PAAF1: variants seen among roughly 807,000 people sequenced by gnomAD.
PAAF1 encodes proteasomal ATPase associated factor 1.
Under a neutral mutation model 52.8 loss-of-function variants are expected in PAAF1, and 46 were observed. The ratio of observed to expected loss-of-function variants is 0.87; its 90% confidence interval spans 0.69 to 1.11. The LOEUF is 1.11. Among genes scored for constraint, PAAF1 ranks in the 50% most tolerant of loss-of-function variants. PAAF1 has a pLI of 0.00. For synonymous variants in PAAF1, 178 were observed against 172.8 expected, an observed-to-expected ratio of 1.03 and a Z score of -0.24; for missense variants, 424 against 477.4, an observed-to-expected ratio of 0.89 and a Z score of 1.04.
chr11:73,893,630 G>GGACTATAATCCCAGCTACTCA (rs1949259594), intron 4 of PAAF1, among the ~76,000 whole-genome samples: 1 of 150,742 alleles, frequency 6.6e-6, no homozygotes, highest in South Asian at 2.1e-4. Context: ...CCAGCTACTC[G>GGACTATAATCCCAGCTACTCA]GGAGGTTGAG....
chr11:73,927,523 C>A lies in PAAF1; in HGVS notation c.*161C>A. The A allele has an allele frequency of 1.6e-6, 1 of 641,702 alleles. No individual in the cohort carries two copies. The highest frequency in any genetic ancestry group is 2.7e-5 in the East Asian group (1 of 36,748). The allele number at this position is 641,702 out of a possible 1,614,324, so 39.8% of individuals were successfully genotyped here. On this transcript the variant is annotated 3_prime_UTR_variant, in exon 12 of 12. Transcript: ENST00000310571. ...TGTACTGGCCGTGTGGAACTCTCAT[C>A]CCAAGACCTACTTTGAACTGAGTAA...
At chr11:73,899,304 G>A (rs904268998) in intron 5 of PAAF1, 60 bp downstream of exon 5, 7 of 1,297,544 alleles carry the variant, frequency 5.4e-6, no homozygotes, top group African/African-American at 1.5e-5. Context: ...AGAAGCCTTG[G>A]ACTGGGACAT....
intron 11 of PAAF1, among the ~76,000 whole-genome samples, chr11:73,925,983 A>G (rs1217869748): frequency 6.6e-6 from 1 of 152,092 alleles, no homozygotes; most frequent in Non-Finnish European, 1.5e-5. Flanking sequence ...AATGTAAATA[A>G]TATACTTTTA....
At chr11:73,905,626 C>T (rs1949734923) in intron 6 of PAAF1, among the ~76,000 whole-genome samples, 1 of 151,916 alleles carries the variant, frequency 6.6e-6, no homozygotes, top group Non-Finnish European at 1.5e-5. Context: ...TTAAGAGACC[C>T]ACACTAGATG....
intron 10 of PAAF1, among the ~76,000 whole-genome samples, chr11:73,920,148 A>G (rs747275280): frequency 2.6e-5 from 4 of 152,220 alleles, no homozygotes; most frequent in Non-Finnish European, 5.9e-5. Context: ...GATTAAGGGC[A>G]TATGGGAACC....
intron 3 of PAAF1, 29 bp from the exon 4 acceptor site, chr11:73,891,083 A>T (rs749236315): frequency 2.2e-6 from 3 of 1,353,840 alleles, no homozygotes; most frequent in Non-Finnish European, 3.2e-6. Context: ...AGTTTTACTG[A>T]TGAATCTCAT....
At chr11:73,909,352 T>C in intron 6 of PAAF1, 47 bp from the exon 7 acceptor site, 1 of 1,573,160 alleles carries the variant, frequency 6.4e-7, no homozygotes, top group Non-Finnish European at 8.7e-7. Context: ...GCCCTTGTAG[T>C]TCCTTTACTC....
chr11:73,880,159 TGC>T (rs1948852682), intron 2 of PAAF1: 1 of 151,946 alleles, frequency 6.6e-6, no homozygotes, highest in Admixed American at 6.6e-5. Context: ...AAGTCAAGGC[TGC>T]AGTGAGCTGT....
chr11:73,891,012 T>G (rs2135146267), intron 3 of PAAF1, 100 bp from the exon 4 acceptor site: 208 of 698,836 alleles, frequency 3.0e-4, no homozygotes, highest in East Asian at 5.7e-4. Context: ...ACTGAGAAGA[T>G]GAGAATGTCC....
chr11:73,885,848 A>G (rs936435441), intron 2 of PAAF1, among the ~76,000 whole-genome samples: 2 of 151,832 alleles, frequency 1.3e-5, no homozygotes, highest in Non-Finnish European at 1.5e-5. Context: ...ATCTCAAAAA[A>G]AAAAAAAAAA....
At chr11:73,908,295 G>GTGTGTATATATGTATATA in intron 6 of PAAF1, among the ~76,000 whole-genome samples, 1 of 144,244 alleles carries the variant, frequency 6.9e-6, no homozygotes, top group African/African-American at 2.6e-5. Flanking sequence ...GTATATATAT[G>GTGTGTATATATGTATATA]TGTGTATATA....
rs761131280 is a variant in PAAF1 at position 73,927,297 on chromosome 11, G to C, written c.1114G>C (p.Glu372Gln). ...TCTTGTGTTTTAGGTAGCCACATGG[G>C]AGAAGCAGATCTACACATGCTGTCG... ...CDPVYKVATW[E>Q]KQIYTCCRDG... Residue 372 changes from glutamate (E) to glutamine (Q), a missense_variant, in exon 12 of 12, where the codon GAG becomes CAG. Physicochemically the swap from Glu to Gln is conservative, Grantham distance 29. Transcript: ENST00000310571. 72 of 1,590,694 alleles carry C rather than the reference G, an allele frequency of 4.5e-5. No homozygotes were observed. The highest frequency in any genetic ancestry group is 5.8e-5 in the Non-Finnish European group (68 of 1,169,694).
At chr11:73,897,940 G>T (rs1476351859) in intron 4 of PAAF1, among the ~76,000 whole-genome samples, 6 of 152,136 alleles carry the variant, frequency 3.9e-5, no homozygotes, top group Admixed American at 3.9e-4. Flanking sequence ...CGGCACCTCG[G>T]GAGGCCGAGG....
At chr11:73,885,600 G>C (rs895024406) in intron 2 of PAAF1, among the ~76,000 whole-genome samples, 1 of 151,506 alleles carries the variant, frequency 6.6e-6, no homozygotes, top group Non-Finnish European at 1.5e-5. Flanking sequence ...CCAGCACTTC[G>C]GGAGGTTGAG....
intron 8 of PAAF1, among the ~76,000 whole-genome samples, chr11:73,915,092 A>G (rs1029891801): frequency 2.0e-5 from 3 of 152,212 alleles, no homozygotes; most frequent in Admixed American, 2.0e-4. Context: ...TGGTTCCAGC[A>G]TTGGACAAGT....
At chr11:73,882,596 G>A (rs560682879) in intron 2 of PAAF1, among the ~76,000 whole-genome samples, 59 of 151,260 alleles carry the variant, frequency 3.9e-4, no homozygotes, top group African/African-American at 1.3e-3. Flanking sequence ...TCAGACATGC[G>A]CCACCACGCC....
intron 6 of PAAF1, among the ~76,000 whole-genome samples, chr11:73,908,367 A>ATGTG (rs1949829356): frequency 7.0e-6 from 1 of 142,370 alleles, no homozygotes; most frequent in African/African-American, 2.7e-5. Flanking sequence ...GTGTGTATAT[A>ATGTG]TATATGTATA....
rs1232248942 is a variant in PAAF1, at chr11:73,927,369, G to A, written c.*7G>A. 1 of 1,610,460 alleles carries A rather than the reference G, an allele frequency of 6.2e-7. No homozygotes were observed. Among genetic ancestry groups the A allele is most frequent in the East Asian group, 2.2e-5 (1 of 44,882 alleles). ...CCAGCTTTCTGACCTCTGACTTCTT[G>A]GAAAGAGCAGTCCCGGTTAGTGAAA... On this transcript the variant is annotated 3_prime_UTR_variant, in exon 12 of 12. Coordinates refer to ENST00000310571, the MANE Select transcript of PAAF1 (RefSeq NM_025155.3).
chr11:73,924,457 A>G (rs1950301601), intron 10 of PAAF1, among the ~76,000 whole-genome samples, 158 bp from the exon 11 acceptor site: 1 of 152,160 alleles, frequency 6.6e-6, no homozygotes, highest in Non-Finnish European at 1.5e-5. Flanking sequence ...AAAAAACAAA[A>G]AAAAAGTTGG....
Sources: gnomAD v4.1 joint callset for allele counts (sites outside exome capture counted in the v4.1 genomes callset) on GRCh38, gnomAD v4.1.1 for gene constraint, MANE v1.5 for transcripts, NCBI Gene and HGNC (gene_info 2026-07-23, HGNC 2026-07-21) for gene names.